The following ZNF547 variants were observed in gnomAD, a reference collection of about 807,000 sequenced individuals.
ZNF547 encodes the protein zinc finger protein 547.
Under a neutral mutation model 7.7 loss-of-function variants are expected in ZNF547, and 4 were observed. The ratio of observed to expected loss-of-function variants is 0.52; its 90% CI spans 0.26 to 1.20. The LOEUF (loss-of-function observed/expected upper bound fraction) is 1.20, where lower values mean the gene tolerates loss of function less well. Among genes scored for constraint, ZNF547 ranks in the 50% most tolerant of loss-of-function variants. ZNF547 has a pLI of 0.14. For synonymous variants in ZNF547, 166 were observed against 166.2 expected (o/e 1.00, Z 0.01); for missense variants, 449 against 485.8 (o/e 0.92, Z 0.71).
intron 2 of ZNF547, among the ~76,000 whole-genome samples, chr19:57,370,270 C>T (rs930586720): frequency 6.6e-6 from 1 of 152,200 alleles, no homozygotes; most frequent in Non-Finnish European, 1.5e-5. Flanking sequence ...AGGCAGGACA[C>T]AGCTGAGAGT....
intron 2 of ZNF547, chr19:57,370,966 T>G (rs2088501093): frequency 6.6e-6 from 1 of 151,686 alleles, no homozygotes; most frequent in Non-Finnish European, 1.5e-5. Context: ...TGTTTTTTTT[T>G]TTTTAGATGG....
chr19:57,378,373 C>T lies in ZNF547; in HGVS notation c.*188C>T, dbSNP rs2088553096. 1.4e-6 allele frequency: 1 copy of T among 722,800 alleles called. No homozygotes were observed. The highest frequency in any genetic ancestry group is 1.5e-5 in the South Asian group (1 of 66,288). 44.8% of individuals were successfully genotyped at this position (722,800 alleles called of 1,614,324 possible). ...AAATGTGTGTTCAGCAAACTCGGGACATTATTTTGGTTTGACTCTCATCTC... is the reference window on the plus strand; with the variant it reads ...AAATGTGTGTTCAGCAAACTCGGGATATTATTTTGGTTTGACTCTCATCTC... On this transcript the variant is annotated 3_prime_UTR_variant, in exon 4 of 4. Transcript: ENST00000282282.
At chr19:57,365,471 T>C (rs932518756) in intron 1 of ZNF547, 1 of 511,690 alleles carries the variant, frequency 2.0e-6, no homozygotes. Flanking sequence ...ACAATGTTAT[T>C]TATAAAGAAC....
intron 1 of ZNF547, chr19:57,365,291 A>G (rs2088459252): frequency 1.5e-6 from 2 of 1,352,770 alleles, no homozygotes; most frequent in Non-Finnish European, 1.0e-6. Context: ...ATATCACCAC[A>G]ATGGTGTATA....
intron 2 of ZNF547, among the ~76,000 whole-genome samples, chr19:57,370,445 C>A (rs1341173918): frequency 6.6e-6 from 1 of 152,192 alleles, no homozygotes; most frequent in African/African-American, 2.4e-5. Flanking sequence ...TTGCCGTGCA[C>A]CACCTGGTTT....
intron 3 of ZNF547, among the ~76,000 whole-genome samples, chr19:57,376,230 C>T (rs553008633): frequency 9.9e-5 from 15 of 152,152 alleles, no homozygotes; most frequent in Non-Finnish European, 8.8e-5. Context: ...ATGGGGCAAC[C>T]GTCCCCATGA....
rs2088560520 is a variant in ZNF547, at chr19:57,379,487, G to C, written c.*1302G>C. ...TCTATCCTGTGAGCCTTTTCATTTT[G>C]TTAATTTTTCCCAGTGTTTACAACC... On this transcript the variant is annotated 3_prime_UTR_variant, in exon 4 of 4. Transcript: ENST00000282282. 1 of 152,076 alleles carries C rather than the reference G, an allele frequency of 6.6e-6. No individual in the cohort carries two copies. The allele number at this position is 152,076 out of a possible 1,614,324, so 9.4% of individuals were successfully genotyped here. A position where few individuals can be genotyped will look rare whatever the true frequency, so the allele number is the denominator to read the frequency against.
chr19:57,378,040 G>A lies in ZNF547; in HGVS notation c.1064G>A (p.Ser355Asn), dbSNP rs758316572. Residue 355 changes from serine to asparagine, a missense_variant, in exon 4 of 4, where the codon AGT becomes AAT. Transcript: ENST00000282282. ...VHTGERPYECSECGKAFLTKS... is the reference protein window; with the variant it reads ...VHTGERPYECNECGKAFLTKS... ...ACTGGAGAACGGCCTTATGAATGCA[G>A]TGAGTGTGGGAAGGCCTTCCTTACA... The A allele has an allele frequency of 1.9e-6, 3 of 1,614,208 alleles. No homozygotes were observed. Among genetic ancestry groups the A allele is most frequent in the South Asian group, 1.1e-5 (1 of 91,082 alleles).
At chr19:57,367,876 T>C (rs1239051709) in intron 1 of ZNF547, among the ~76,000 whole-genome samples, 2 of 152,230 alleles carry the variant, frequency 1.3e-5, no homozygotes, top group Admixed American at 1.3e-4. Flanking sequence ...AGTCAAGGTC[T>C]GCCAGCAAGC....
chr19:57,378,301 T>G lies in ZNF547; in HGVS notation c.*116T>G. 1.1e-6 allele frequency: 1 copy of G among 909,280 alleles called. No homozygotes were observed. Among genetic ancestry groups the G allele is most frequent in the Non-Finnish European group, 1.7e-6 (1 of 585,488 alleles). 56.3% of individuals were successfully genotyped at this position (909,280 alleles called of 1,614,324 possible). A position where few individuals can be genotyped will look rare whatever the true frequency, so the allele number is the denominator to read the frequency against. Reference sequence around the variant, plus strand: ...AATGCCGTGAACGTGGGTAATTATGTAGGTACAGCTCTCCAGTCGCTATGT... The same window carrying G: ...AATGCCGTGAACGTGGGTAATTATGGAGGTACAGCTCTCCAGTCGCTATGT... On this transcript the variant is annotated 3_prime_UTR_variant, in exon 4 of 4. Coordinates refer to ENST00000282282, the MANE Select transcript of ZNF547 (RefSeq NM_173631.4).
chr19:57,373,504 A>T (rs971226570), intron 3 of ZNF547, among the ~76,000 whole-genome samples: 12 of 150,932 alleles, frequency 8.0e-5, no homozygotes, highest in African/African-American at 2.9e-4. Flanking sequence ...AGTCCTCCAA[A>T]CTCTTAATTC....
chr19:57,376,693 G>A (rs371506322), intron 3 of ZNF547, among the ~76,000 whole-genome samples: 39 of 152,288 alleles, frequency 2.6e-4, no homozygotes, highest in East Asian at 2.3e-3. Context: ...AAATCATGGA[G>A]GTTTGGGGAG....
chr19:57,376,527 C>G (rs2088537303), intron 3 of ZNF547, among the ~76,000 whole-genome samples: 1 of 152,182 alleles, frequency 6.6e-6, no homozygotes, highest in Non-Finnish European at 1.5e-5. Context: ...AGCTATTTGT[C>G]TACATGTGGG....
rs991569669 is a variant in ZNF547, at chr19:57,363,632, T to C, written c.-84T>C. On this transcript the variant is annotated 5_prime_UTR_variant, in exon 1 of 4. Coordinates refer to ENST00000282282, the MANE Select transcript of ZNF547 (RefSeq NM_173631.4). Reference sequence around the variant, plus strand: ...CAAGGACTGGGGACGGCGGTGTCCTTGTCTTGCCTTTGTCGCCCCCGCCCC... The same window carrying C: ...CAAGGACTGGGGACGGCGGTGTCCTCGTCTTGCCTTTGTCGCCCCCGCCCC... The C allele has an allele frequency of 2.0e-5, 3 of 153,214 alleles. No individual in the cohort carries two copies. The highest frequency in any genetic ancestry group is 4.4e-5 in the Non-Finnish European group (3 of 68,152). The allele number at this position is 153,214 out of a possible 1,614,324, so 9.5% of individuals were successfully genotyped here. A position where few individuals can be genotyped will look rare whatever the true frequency, so the allele number is the denominator to read the frequency against.
At position 57,369,899 on chromosome 19, in the gene ZNF547, C is replaced by CTTTTTTTTTTTTTTTTTT. The variant is rs61547238; in HGVS notation, c.24+1327_24+1344dup. ...AAAGAAGTTTAATTGACTCACAGTTCTTTTTTTTTTTTTTTTTTTTTTTTG... is the reference window on the plus strand; with the variant it reads ...AAAGAAGTTTAATTGACTCACAGTTCTTTTTTTTTTTTTTTTTTTTTTTTTTTTTTTTTTTTTTTTTTG... On this transcript the variant is annotated intron_variant, in intron 2 of 3. Transcript: ENST00000282282. Among the ~76,000 whole-genome samples, 66 of 51,676 alleles carry CTTTTTTTTTTTTTTTTTT rather than the reference C, an allele frequency of 1.3e-3. 23 individuals are homozygous for CTTTTTTTTTTTTTTTTTT. Among genetic ancestry groups the CTTTTTTTTTTTTTTTTTT allele is most frequent in the East Asian group, 2.1e-3 (3 of 1,458 alleles). The allele number at this position is 51,676 out of a possible 152,430, so 33.9% of individuals were successfully genotyped here. A position where few individuals can be genotyped will look rare whatever the true frequency, so the allele number is the denominator to read the frequency against.
Position 57,363,699 on chromosome 19 carries a change from C to G in ZNF547, c.-17C>G, listed in dbSNP as rs1247304323. 2 of 147,010 alleles carry G rather than the reference C, an allele frequency of 1.4e-5. No individual in the cohort carries two copies. The highest frequency in any genetic ancestry group is 5.2e-5 in the African/African-American group (2 of 38,834). 9.1% of individuals were successfully genotyped at this position (147,010 alleles called of 1,614,324 possible). ...ACTTGCGGAGTCCCCGCCGAAGAAC[C>G]CGAGGTGGGTGCCCCGTCCCAGGCC... On this transcript the variant is annotated 5_prime_UTR_variant, in exon 1 of 4. Coordinates refer to ENST00000282282, the MANE Select transcript of ZNF547 (RefSeq NM_173631.4).
chr19:57,371,634 C>G (rs1187959858), intron 2 of ZNF547, 148 bp from the exon 3 acceptor site: 1 of 1,231,274 alleles, frequency 8.1e-7, no homozygotes, highest in African/African-American at 1.5e-5. Context: ...AATATGTGCC[C>G]AGGATGGTAG....
At chr19:57,376,141 C>T (rs1463780278) in intron 3 of ZNF547, among the ~76,000 whole-genome samples, 2 of 152,110 alleles carry the variant, frequency 1.3e-5, no homozygotes, top group African/African-American at 2.4e-5. Context: ...CCAGCCTGGG[C>T]GGCAGAGCAA....
At chr19:57,370,028 G>A (rs1009174618) in intron 2 of ZNF547, among the ~76,000 whole-genome samples, 3 of 148,232 alleles carry the variant, frequency 2.0e-5, no homozygotes, top group African/African-American at 7.5e-5. Flanking sequence ...GAATAGCTGG[G>A]ACGACAGACT....
Sources: allele counts gnomAD v4.1 joint callset (sites outside exome capture counted in the v4.1 genomes callset), GRCh38; gene constraint gnomAD v4.1.1; transcripts MANE v1.5; gene names NCBI Gene and HGNC (gene_info 2026-07-23, HGNC 2026-07-21).